FRMD4B: variants seen among roughly 807,000 people sequenced by gnomAD.
FRMD4B encodes the protein FERM domain containing 4B.
In FRMD4B, 74 loss-of-function variants were observed where a neutral mutation model predicts 141.5. The ratio of observed to expected loss-of-function variants is 0.52; its 90% CI spans 0.43 to 0.63. The LOEUF is 0.63. FRMD4B is among the 30% of genes least tolerant of loss of function. FRMD4B has a pLI of 0.00. For missense variants in FRMD4B, 1,366 were observed against 1,253.4 expected, an observed-to-expected ratio of 1.09 and a Z score of -1.36; for synonymous variants, 506 against 467.9, an observed-to-expected ratio of 1.08 and a Z score of -1.05.
At chr3:69,284,477 A>G (rs571164756) in intron 5 of FRMD4B, among the ~76,000 whole-genome samples, 2 of 152,330 alleles carry the variant, frequency 1.3e-5, no homozygotes, top group South Asian at 4.1e-4. Flanking sequence ...ATGCAGAACA[A>G]TTAGCTATAG....
At position 69,463,390 on chromosome 3, in the gene FRMD4B, T is replaced by C. The variant is rs80044405; in HGVS notation, c.-128-30629A>G. 8.5e-4 allele frequency among the ~76,000 whole-genome samples: 129 copies of C among 152,356 alleles called. 3 individuals are homozygous for C. The East Asian group carries it at 0.024, about 29-fold the overall frequency. On this transcript the variant is annotated intron_variant, in intron 1 of 5. Coordinates refer to the FRMD4B transcript ENST00000459638. ...GAGTTTTTCTCATAATTCTGGTCCATTGAAGTACACATACCATATACCACT... is the reference window on the plus strand; with the variant it reads ...GAGTTTTTCTCATAATTCTGGTCCACTGAAGTACACATACCATATACCACT...
chr3:69,180,920 G>A lies in FRMD4B; in HGVS notation c.2830C>T (p.Arg944Cys), dbSNP rs187901513. ...GLQVPCSPSS[R>C]ASSYSSVSST... The stretch of plus-strand genomic sequence containing the variant: ...TCACCTGAAGAGTACGAGGATGCAC[G>A]ACTGCTTGGAGAACAAGGTACTTGC... Residue 944 changes from arginine to cysteine, a missense_variant, in exon 21 of 23, where the codon CGT becomes TGT. Arg to Cys is a radical substitution (Grantham distance 180). Transcript: ENST00000398540. 3 of 1,608,546 alleles carry A rather than the reference G, an allele frequency of 1.9e-6. No individual in the cohort carries two copies. Among genetic ancestry groups the A allele is most frequent in the East Asian group, 4.5e-5 (2 of 44,698 alleles).
At chr3:69,455,413 G>A (rs1040051702) in intron 1 of FRMD4B, among the ~76,000 whole-genome samples, 3 of 152,340 alleles carry the variant, frequency 2.0e-5, no homozygotes, top group African/African-American at 7.2e-5. Flanking sequence ...CTTCTCATCT[G>A]AGAACAGTGA....
chr3:69,198,133 G>C (rs1045428025), intron 12 of FRMD4B: 1 of 152,072 alleles, frequency 6.6e-6, no homozygotes, highest in Non-Finnish European at 1.5e-5. Context: ...GGCAGTTGGG[G>C]GCGGGCGGAG....
In FRMD4B at chr3:69,385,473, C is replaced by G. The variant is rs574726609; in HGVS notation, c.162+355G>C. 2.6e-5 allele frequency among the ~76,000 whole-genome samples: 4 copies of G among 152,226 alleles called. No individual in the cohort carries two copies. In the South Asian group the frequency reaches 8.3e-4, roughly 32 times the overall value. On this transcript the variant is annotated intron_variant, in intron 1 of 22. Coordinates refer to ENST00000398540, the MANE Select transcript of FRMD4B (RefSeq NM_015123.3). ...GCTTCAGAAGCAGCCACTCCCACCC[C>G]CAATGAAATTAAAAAGAAGGACTCA...
intron 2 of FRMD4B, among the ~76,000 whole-genome samples, chr3:69,412,975 G>A (rs1260153467): frequency 2.0e-5 from 3 of 147,998 alleles, no homozygotes; most frequent in Admixed American, 7.0e-5. Flanking sequence ...TATTATCACC[G>A]ATGGGTCTCT....
intron 21 of FRMD4B, 89 bp from the exon 22 acceptor site, chr3:69,176,745 C>CT (rs1284632780): frequency 2.4e-6 from 2 of 827,452 alleles, no homozygotes; most frequent in Non-Finnish European, 3.9e-6. Context: ...TTGCAATCAG[C>CT]TTTGTCAGAG....
chr3:69,368,772 C>T (rs902700605), intron 1 of FRMD4B, among the ~76,000 whole-genome samples: 1 of 152,174 alleles, frequency 6.6e-6, no homozygotes, highest in Non-Finnish European at 1.5e-5. Context: ...ATCCTCCTGC[C>T]TCAGCCTCTT....
chr3:69,208,253 G>A (rs775223356), intron 11 of FRMD4B, among the ~76,000 whole-genome samples: 4 of 151,914 alleles, frequency 2.6e-5, no homozygotes, highest in Non-Finnish European at 4.4e-5. Context: ...TAGTAGAGAC[G>A]GGGTTTCACC....
At chr3:69,282,889 G>T (rs532086473) in intron 5 of FRMD4B, among the ~76,000 whole-genome samples, 1 of 152,014 alleles carries the variant, frequency 6.6e-6, no homozygotes, top group Admixed American at 6.6e-5. Context: ...CACCCGCCTT[G>T]GCTTCCCAAA....
At chr3:69,250,229 CA>C (rs919050727) in intron 5 of FRMD4B, 130 bp from the exon 6 acceptor site, 9 of 745,074 alleles carry the variant, frequency 1.2e-5, no homozygotes, top group Non-Finnish European at 2.0e-5. Flanking sequence ...CATACCATTG[CA>C]GGGGAAAGTG....
chr3:69,342,057 C>G (rs80026672), intron 1 of FRMD4B, among the ~76,000 whole-genome samples: 20,042 of 152,210 alleles, frequency 0.13, 1,447 homozygotes, highest in South Asian at 0.18. Flanking sequence ...TGACCTCTCA[C>G]AGGTCTACTA....
intron 1 of FRMD4B, among the ~76,000 whole-genome samples, chr3:69,455,244 AAGC>A (rs1385988944): frequency 6.6e-6 from 1 of 152,234 alleles, no homozygotes; most frequent in Non-Finnish European, 1.5e-5. Context: ...AAGGGAATAA[AAGC>A]AGGCTGCCAG....
At chr3:69,431,106 A>C (rs1325171864) in intron 2 of FRMD4B, among the ~76,000 whole-genome samples, 1 of 152,236 alleles carries the variant, frequency 6.6e-6, no homozygotes, top group Non-Finnish European at 1.5e-5. Flanking sequence ...GAATCAAAGA[A>C]GGCAAGAATG....
chr3:69,373,022 C>T (rs1291198596), intron 1 of FRMD4B, among the ~76,000 whole-genome samples: 1 of 152,126 alleles, frequency 6.6e-6, no homozygotes, highest in East Asian at 1.9e-4. Flanking sequence ...TTCCCTTGTG[C>T]TGATGCAAAC....
intron 1 of FRMD4B, among the ~76,000 whole-genome samples, chr3:69,540,660 T>TATATATATACACACAC (rs1241897477): frequency 1.8e-5 from 1 of 56,874 alleles, no homozygotes; most frequent in Admixed American, 2.5e-4. Flanking sequence ...TATATATATA[T>TATATATATACACACAC]ACACACACAC....
intron 2 of FRMD4B, among the ~76,000 whole-genome samples, chr3:69,418,168 C>T (rs977253233): frequency 1.3e-5 from 2 of 152,156 alleles, no homozygotes; most frequent in Non-Finnish European, 2.9e-5. Flanking sequence ...CTGAGGCCAT[C>T]TTTTTCATCT....
At chr3:69,265,458 T>TC (rs2093556504) in intron 5 of FRMD4B, among the ~76,000 whole-genome samples, 1 of 131,814 alleles carries the variant, frequency 7.6e-6, no homozygotes, top group African/African-American at 2.8e-5. Context: ...CTTTTTTTTT[T>TC]TTTTTTTTGA....
At chr3:69,376,331 C>A (rs936490696) in intron 1 of FRMD4B, among the ~76,000 whole-genome samples, 17 of 151,982 alleles carry the variant, frequency 1.1e-4, no homozygotes, top group Admixed American at 1.1e-3. Flanking sequence ...CCTATATTAC[C>A]TTTTATATTT....
Sources: allele counts gnomAD v4.1 joint callset (sites outside exome capture counted in the v4.1 genomes callset), GRCh38; gene constraint gnomAD v4.1.1; transcripts MANE v1.5; gene names NCBI Gene and HGNC (gene_info 2026-07-23, HGNC 2026-07-21).